The following PKP2 variants were observed in gnomAD, a reference collection of about 807,000 sequenced individuals.
The protein encoded by PKP2 is plakophilin 2, also known as plakophilin-2.
PKP2 carries 73 observed loss-of-function variants against 83.4 expected under a neutral mutation model. The ratio of observed to expected loss-of-function variants is 0.88; its 90% confidence interval spans 0.72 to 1.06. The LOEUF (loss-of-function observed/expected upper bound fraction) is 1.06. Ranked by LOEUF, PKP2 falls within the 50% of genes least tolerant of loss-of-function variation. The pLI is 0.00. For synonymous variants in PKP2, 409 were observed against 430.4 expected (o/e 0.95, Z 0.62); for missense variants, 966 against 1,065.4 (o/e 0.91, Z 1.30).
intron 3 of PKP2, among the ~76,000 whole-genome samples, chr12:32,871,134 C>G (rs571682246): frequency 6.6e-6 from 1 of 152,072 alleles, no homozygotes; most frequent in Admixed American, 6.6e-5. Flanking sequence ...CCTCCCCCTC[C>G]TTGGATCTAC....
chr12:32,823,300 C>T (rs1956400526), intron 7 of PKP2, among the ~76,000 whole-genome samples: 1 of 151,598 alleles, frequency 6.6e-6, no homozygotes, highest in East Asian at 2.0e-4. Flanking sequence ...ACCTGTAATC[C>T]CAGTTATTTG....
chr12:32,895,561 T>C (rs1450435995), intron 1 of PKP2, among the ~76,000 whole-genome samples: 2 of 152,184 alleles, frequency 1.3e-5, no homozygotes, highest in Admixed American at 6.5e-5. Flanking sequence ...TAAGCCAACA[T>C]AGTGCTTTTA....
Position 32,846,659 on chromosome 12 carries a change from C to T in PKP2, c.1378+4107G>A, listed in dbSNP as rs1003945791. Reference sequence around the variant, plus strand: ...ACTTGGGAGGCTAAGGCAGGAGAATCGCTTGAATCTGGGAGGCAGAGGTTG... The same window carrying T: ...ACTTGGGAGGCTAAGGCAGGAGAATTGCTTGAATCTGGGAGGCAGAGGTTG... On this transcript the variant is annotated intron_variant, in intron 5 of 12. Coordinates refer to ENST00000340811, the MANE Select transcript of PKP2 (RefSeq NM_001005242.3). 3.3e-5 allele frequency among the ~76,000 whole-genome samples: 5 copies of T among 150,262 alleles called. No homozygotes were observed. In the South Asian group the frequency reaches 6.3e-4, roughly 19 times the overall value.
In PKP2 at chr12:32,822,510, T is replaced by C. The variant is rs533659697; in HGVS notation, c.1796A>G (p.Lys599Arg). The change falls in exon 8 of 13, where the codon AAA becomes AGA. Residue 599 changes from lysine to arginine, a missense_variant. Coordinates refer to ENST00000340811, the MANE Select transcript of PKP2 (RefSeq NM_001005242.3). ...QNRNIQTDNN[K>R]SIGCFGSRSR... ...TCGACTGCCAAAACATCCAATACTT[T>C]TGTTGTTGTCAGTCTGGATATTCCG... 29 of 1,614,140 alleles carry C rather than the reference T, an allele frequency of 1.8e-5. No individual in the cohort carries two copies. In the East Asian group the frequency reaches 4.2e-4, roughly 24 times the overall value.
chr12:32,884,267 A>G (rs1957010610), intron 1 of PKP2, among the ~76,000 whole-genome samples: 1 of 152,192 alleles, frequency 6.6e-6, no homozygotes. Flanking sequence ...CAGCCTGGCC[A>G]GCATGGTGAA....
chr12:32,877,897 C>A lies in PKP2; in HGVS notation c.983G>T (p.Gly328Val), dbSNP rs144651139. Residue 328 changes from glycine (G) to valine (V), a missense_variant, in exon 3 of 13, where the codon GGA becomes GTA. By Grantham distance (109) the Gly-to-Val change is moderately radical (BLOSUM62 -3). Transcript: ENST00000340811. ...TCTCTCAGTGAGCAGATTCCCACTT[C>A]CCCCTGCGGCCGCCTGGCCGACAGT... Reference protein sequence around the residue: ...HLTVGQAAAGGSGNLLTERST... With the variant: ...HLTVGQAAAGVSGNLLTERST... The A allele has an allele frequency of 6.2e-7, 1 of 1,614,126 alleles. No homozygotes were observed. The highest frequency in any genetic ancestry group is 8.5e-7 in the Non-Finnish European group (1 of 1,179,974).
At chr12:32,841,242 G>A in intron 5 of PKP2, 37 bp from the exon 6 acceptor site, 1 of 1,559,178 alleles carries the variant, frequency 6.4e-7, no homozygotes. Flanking sequence ...AACAGTGCAG[G>A]GTGGGACCAA....
intron 1 of PKP2, among the ~76,000 whole-genome samples, chr12:32,895,070 T>A (rs1333941951): frequency 6.6e-6 from 1 of 152,176 alleles, no homozygotes; most frequent in Non-Finnish European, 1.5e-5. Context: ...AAATTCAGGT[T>A]TGGGAGTTTA....
chr12:32,859,460 T>TG lies in PKP2; in HGVS notation c.1171-8488_1171-8487insC, dbSNP rs1412494934. Among the ~76,000 whole-genome samples, 11 of 152,152 alleles carry TG rather than the reference T, an allele frequency of 7.2e-5. No individual in the cohort carries two copies. The South Asian group carries it at 1.2e-3, about 17-fold the overall frequency. ...AATATTTTTCTCAGTAACTTTTTTT[T>TG]TTGTGTGTGTGTGTGTGACAGAGTC... On this transcript the variant is annotated intron_variant, in intron 4 of 12. Transcript: ENST00000340811.
intron 6 of PKP2, among the ~76,000 whole-genome samples, chr12:32,835,632 A>G (rs535712062): frequency 6.6e-6 from 1 of 152,340 alleles, no homozygotes; most frequent in African/African-American, 2.4e-5. Flanking sequence ...AAGAAAACAA[A>G]GGAATTGTTT....
In PKP2 at chr12:32,869,145, C is replaced by T. The variant is rs148315794; in HGVS notation, c.1035-83G>A. 757 of 1,491,532 alleles carry T rather than the reference C, an allele frequency of 5.1e-4. 2 individuals carry two copies. In the African/African-American group the frequency reaches 8.7e-3, roughly 17 times the overall value. 92.4% of individuals were successfully genotyped at this position (1,491,532 alleles called of 1,614,324 possible). On this transcript the variant is annotated intron_variant, in intron 3 of 12. Transcript: ENST00000340811. ...ACCTGGTCCTCCAGAGACGACTCAG[C>T]GAATACTGGGAAGCACTAGAACATC...
Position 32,791,121 on chromosome 12 carries a change from A to T in PKP2, c.*1303T>A, listed in dbSNP as rs1370105169. ...ACAAATGTTGTCAGATTAAAAAAAA[A>T]AATAACAGAATAGTAGTTGTAAAGA... is the stretch of plus-strand genomic sequence containing the variant. On this transcript the variant is annotated 3_prime_UTR_variant, in exon 13 of 13. Transcript: ENST00000340811. 1 of 152,238 alleles carries T rather than the reference A, an allele frequency of 6.6e-6. No homozygotes were observed. Among genetic ancestry groups the T allele is most frequent in the Non-Finnish European group, 1.5e-5 (1 of 68,044 alleles). The allele number at this position is 152,238 out of a possible 1,614,324, so 9.4% of individuals were successfully genotyped here.
At position 32,793,613 on chromosome 12, in the gene PKP2, C is replaced by CTTTTTTTTTTT. The variant is rs35990527; in HGVS notation, c.2358-893_2358-883dup. The stretch of plus-strand genomic sequence containing the variant: ...ACTGTACTTAGTCTTTCATATTCTG[C>CTTTTTTTTTTT]TTTTTTTTTTTTTTTTTTTTTTTTG... On this transcript the variant is annotated intron_variant, in intron 11 of 12. Transcript: ENST00000340811. Among the ~76,000 whole-genome samples the CTTTTTTTTTTT allele has an allele frequency of 1.6e-3, 126 of 76,728 alleles. 6 individuals are homozygous for CTTTTTTTTTTT. The highest frequency in any genetic ancestry group is 3.2e-3 in the African/African-American group (55 of 17,392). 50.3% of individuals were successfully genotyped at this position (76,728 alleles called of 152,430 possible). A position where few individuals can be genotyped will look rare whatever the true frequency, so the allele number is the denominator to read the frequency against.
At chr12:32,798,128 A>C (rs1592727496) in intron 10 of PKP2, among the ~76,000 whole-genome samples, 2 of 115,932 alleles carry the variant, frequency 1.7e-5, no homozygotes, top group African/African-American at 6.6e-5. Flanking sequence ...CTTGTTGCCC[A>C]GGCTGGAGTG....
chr12:32,829,377 C>G (rs1376269321), intron 6 of PKP2, among the ~76,000 whole-genome samples: 1 of 151,332 alleles, frequency 6.6e-6, no homozygotes, highest in Non-Finnish European at 1.5e-5. Context: ...ACCTCAGCCT[C>G]CTGAGTAGCT....
rs111517471 is a variant in PKP2, at chr12:32,796,108, C to T, written c.2357+1G>A. 2.2e-5 allele frequency: 36 copies of T among 1,613,068 alleles called. No homozygotes were observed. The highest frequency in any genetic ancestry group is 9.3e-5 in the African/African-American group (7 of 75,006). ...CTGACGGGCAGAACTGAAGGACTTA[C>T]GCATCGCCTGCACTAATGGCCATAA... is the stretch of plus-strand genomic sequence containing the variant. On this transcript the variant is annotated splice_donor_variant, in intron 11 of 12. Coordinates refer to ENST00000340811, the MANE Select transcript of PKP2 (RefSeq NM_001005242.3). LOFTEE classifies it high-confidence loss of function.
At chr12:32,853,508 C>CTTTT (rs71447625) in intron 4 of PKP2, among the ~76,000 whole-genome samples, 1 of 138,148 alleles carries the variant, frequency 7.2e-6, no homozygotes, top group Non-Finnish European at 1.5e-5. Context: ...TAAATTCATA[C>CTTTT]TTTTTTTTTT....
chr12:32,814,275 C>T (rs1956301798), intron 9 of PKP2, among the ~76,000 whole-genome samples: 1 of 152,108 alleles, frequency 6.6e-6, no homozygotes, highest in African/African-American at 2.4e-5. Flanking sequence ...CAGCCTTCTC[C>T]ACCTCCTATT....
intron 4 of PKP2, among the ~76,000 whole-genome samples, chr12:32,858,136 A>T (rs1023165077): frequency 8.8e-4 from 83 of 93,834 alleles, no homozygotes; most frequent in Middle Eastern, 5.1e-3. Context: ...TTTTATATTT[A>T]TATATATATA....
Sources: allele counts gnomAD v4.1 joint callset (sites outside exome capture counted in the v4.1 genomes callset), GRCh38; gene constraint gnomAD v4.1.1; transcripts MANE v1.5; gene names NCBI Gene and HGNC (gene_info 2026-07-23, HGNC 2026-07-21).